SUMF1: variants seen among roughly 807,000 people sequenced by gnomAD.
SUMF1 encodes sulfatase modifying factor 1.
Under a neutral mutation model 47.6 loss-of-function variants are expected in SUMF1, and 48 were observed. That is an observed-to-expected ratio of 1.01 (90% CI 0.80 to 1.28). The LOEUF is 1.28. Ranked by LOEUF, SUMF1 falls within the 50% of genes most tolerant of loss-of-function variation. The pLI, the probability that SUMF1 is intolerant of heterozygous loss-of-function variation, is 0.00. For missense variants in SUMF1, 571 were observed against 485.4 expected, an observed-to-expected ratio of 1.18 and a Z score of -1.66; for synonymous variants, 230 against 192.1, an observed-to-expected ratio of 1.20 and a Z score of -1.63.
downstream of SUMF1, among the ~76,000 whole-genome samples, chr3:4,356,579 ATT>A (rs397831653): frequency 1.4e-5 from 2 of 146,870 alleles, no homozygotes; most frequent in African/African-American, 5.1e-5. Context: ...AATACATACA[ATT>A]TTTTTTTTTT....
chr3:4,442,638 G>GAAAAAAAAAAAAAAAAAAAAAA (rs61296884), intron 3 of SUMF1, among the ~76,000 whole-genome samples: 3 of 61,308 alleles, frequency 4.9e-5, no homozygotes, highest in East Asian at 4.1e-4. Flanking sequence ...AGAGAAAAAG[G>GAAAAAAAAAAAAAAAAAAAAAA]AAAAAAAAAA....
intron 8 of SUMF1, among the ~76,000 whole-genome samples, chr3:4,324,598 G>A (rs936048816): frequency 4.6e-5 from 7 of 152,162 alleles, no homozygotes; most frequent in African/African-American, 1.4e-4. Flanking sequence ...TGAAAAGTGG[G>A]AGGAGAGGAA....
intron 3 of SUMF1, among the ~76,000 whole-genome samples, chr3:4,433,942 A>G (rs1702315436): frequency 6.6e-6 from 1 of 152,228 alleles, no homozygotes; most frequent in Non-Finnish European, 1.5e-5. Flanking sequence ...CATATCCAGA[A>G]CAAGTGAAAG....
chr3:4,196,703 G>C (rs1003277772), intron 8 of SUMF1, among the ~76,000 whole-genome samples: 1 of 152,042 alleles, frequency 6.6e-6, no homozygotes, highest in African/African-American at 2.4e-5. Context: ...TCCATAAAAA[G>C]GCAGGATTCT....
chr3:4,250,733 A>C (rs1439959501), intron 8 of SUMF1, among the ~76,000 whole-genome samples: 1 of 152,206 alleles, frequency 6.6e-6, no homozygotes, highest in Non-Finnish European at 1.5e-5. Context: ...TGCTAATTCT[A>C]ATCTGCTTAA....
chr3:4,165,848 T>C lies in SUMF1; in HGVS notation c.1015-97103A>G, dbSNP rs557862355. Among the ~76,000 whole-genome samples the C allele has an allele frequency of 6.4e-5, 7 of 109,286 alleles. No individual in the cohort carries two copies. In the East Asian group the frequency reaches 8.8e-4, roughly 14 times the overall value. The allele number at this position is 109,286 out of a possible 152,430, so 71.7% of individuals were successfully genotyped here. The stretch of plus-strand genomic sequence containing the variant: ...GCTGAAAAAAAAAATGCCCGTGGTT[T>C]TGATTTGTTTGTTTCCCCCCCCCCC... On this transcript the variant is annotated intron_variant and NMD_transcript_variant, in intron 8 of 12. Coordinates refer to the SUMF1 transcript ENST00000448413.
intron 8 of SUMF1, chr3:4,303,968 G>C: frequency 1.3e-6 from 1 of 786,616 alleles, no homozygotes; most frequent in Non-Finnish European, 1.7e-6. Flanking sequence ...TCACGCTGTG[G>C]GCTCTTGGGC....
intron 8 of SUMF1, among the ~76,000 whole-genome samples, chr3:4,150,800 G>A (rs578013879): frequency 1.3e-5 from 2 of 151,456 alleles, no homozygotes; most frequent in South Asian, 4.2e-4. Context: ...GTATATTGCT[G>A]CCCCAGACAA....
chr3:4,378,726 C>A (rs1171279558), intron 7 of SUMF1, among the ~76,000 whole-genome samples: 1 of 152,166 alleles, frequency 6.6e-6, no homozygotes, highest in Non-Finnish European at 1.5e-5. Context: ...CATGTAATGG[C>A]CACACTCTCC....
intron 9 of SUMF1, among the ~76,000 whole-genome samples, chr3:4,058,955 C>G (rs1036356985): frequency 6.6e-6 from 1 of 151,994 alleles, no homozygotes; most frequent in African/African-American, 2.4e-5. Flanking sequence ...GCAATTACCC[C>G]CAAATAATGG....
intron 8 of SUMF1, among the ~76,000 whole-genome samples, chr3:4,288,142 T>A (rs900645032): frequency 6.6e-6 from 1 of 152,158 alleles, no homozygotes; most frequent in African/African-American, 2.4e-5. Context: ...CTAGGGAAGG[T>A]GAGGAATATA....
rs942432110 is a variant in SUMF1, at chr3:4,416,351, A to T, written c.840+777T>A. Among the ~76,000 whole-genome samples the T allele has an allele frequency of 3.3e-5, 5 of 152,318 alleles. No homozygotes were observed. In the East Asian group the frequency reaches 9.6e-4, roughly 29 times the overall value. On this transcript the variant is annotated intron_variant, in intron 6 of 8. Coordinates refer to ENST00000272902, the MANE Select transcript of SUMF1 (RefSeq NM_182760.4). ...GTTTCCAGTAAATACATTGGGGTTTATTTATGACAGGTTATCCAGCTGCTG... is the reference window on the plus strand; with the variant it reads ...GTTTCCAGTAAATACATTGGGGTTTTTTTATGACAGGTTATCCAGCTGCTG...
In SUMF1 at chr3:4,208,766, T is replaced by G. The variant is rs567197948; in HGVS notation, c.1015-140021A>C. 2.6e-5 allele frequency among the ~76,000 whole-genome samples: 4 copies of G among 152,154 alleles called. No individual in the cohort carries two copies. In the East Asian group the frequency reaches 7.7e-4, roughly 29 times the overall value. ...GCTTGAGTATGTGACAATAGAAACT[T>G]TCCAAACTGAAAAGAAAAAAGACTA... On this transcript the variant is annotated intron_variant and NMD_transcript_variant, in intron 8 of 12. Transcript: ENST00000448413.
At chr3:4,409,446 C>G (rs921015116) in intron 7 of SUMF1, among the ~76,000 whole-genome samples, 3 of 152,100 alleles carry the variant, frequency 2.0e-5, no homozygotes, top group Non-Finnish European at 4.4e-5. Flanking sequence ...ACACAAGTAG[C>G]TCTAAAACTG....
At chr3:4,143,868 T>G (rs1310412513) in intron 8 of SUMF1, among the ~76,000 whole-genome samples, 1 of 152,122 alleles carries the variant, frequency 6.6e-6, no homozygotes, top group African/African-American at 2.4e-5. Flanking sequence ...CCCAACCCAG[T>G]TCTGCTGAAT....
intron 8 of SUMF1, among the ~76,000 whole-genome samples, chr3:4,276,055 T>G (rs1379366011): frequency 3.9e-5 from 6 of 152,176 alleles, no homozygotes; most frequent in Admixed American, 3.9e-4. Context: ...TCTGTGTGGT[T>G]CCAAGTTCAT....
chr3:4,067,534 A>T (rs1386567939), intron 9 of SUMF1, among the ~76,000 whole-genome samples: 1 of 152,164 alleles, frequency 6.6e-6, no homozygotes, highest in Non-Finnish European at 1.5e-5. Context: ...ACTGACCCCA[A>T]GTCATAAGCA....
intron 9 of SUMF1, among the ~76,000 whole-genome samples, chr3:4,043,622 C>G (rs1347837555): frequency 6.6e-6 from 1 of 152,064 alleles, no homozygotes; most frequent in African/African-American, 2.4e-5. Flanking sequence ...GATAAGTCCT[C>G]TCCCAAGCTC....
chr3:4,130,490 T>C (rs577213563), intron 8 of SUMF1, among the ~76,000 whole-genome samples: 1 of 152,288 alleles, frequency 6.6e-6, no homozygotes, highest in Non-Finnish European at 1.5e-5. Flanking sequence ...CAGTGGACCA[T>C]TACACTGATG....
Sources: allele counts gnomAD v4.1 joint callset (sites outside exome capture counted in the v4.1 genomes callset), GRCh38; gene constraint gnomAD v4.1.1; transcripts MANE v1.5; gene names NCBI Gene and HGNC (gene_info 2026-07-23, HGNC 2026-07-21).